ATP9B: variants seen among roughly 807,000 people sequenced by gnomAD.
ATP9B encodes probable phospholipid-transporting ATPase IIB.
ATP9B carries 110 observed loss-of-function variants against 146.1 expected under a neutral mutation model. The ratio of observed to expected loss-of-function variants is 0.75; its 90% CI spans 0.65 to 0.88. The LOEUF is 0.88. ATP9B is among the 40% of genes least tolerant of loss of function. ATP9B has a pLI of 0.00. For missense variants in ATP9B, 1,499 were observed against 1,496.4 expected, an observed-to-expected ratio of 1.00 and a Z score of -0.03; for synonymous variants, 604 against 569.7, an observed-to-expected ratio of 1.06 and a Z score of -0.86.
chr18:79,268,888 G>A (rs986715881), intron 12 of ATP9B, among the ~76,000 whole-genome samples: 1 of 152,138 alleles, frequency 6.6e-6, no homozygotes, highest in Admixed American at 6.5e-5. Context: ...ATTGGGTATA[G>A]AATTCTAGGC....
At chr18:79,156,376 C>T (rs767425979) in intron 7 of ATP9B, among the ~76,000 whole-genome samples, 14 of 152,186 alleles carry the variant, frequency 9.2e-5, no homozygotes, top group Middle Eastern at 3.2e-3. Context: ...TCTAGCCCTG[C>T]GCCTAACCTC....
intron 6 of ATP9B, among the ~76,000 whole-genome samples, chr18:79,148,958 T>G (rs1347219332): frequency 1.3e-5 from 2 of 152,198 alleles, no homozygotes; most frequent in African/African-American, 4.8e-5. Flanking sequence ...TGCAGTACTC[T>G]TACAGTCATT....
At chr18:79,206,326 T>G (rs2095533312) in intron 9 of ATP9B, among the ~76,000 whole-genome samples, 1 of 152,222 alleles carries the variant, frequency 6.6e-6, no homozygotes, top group Non-Finnish European at 1.5e-5. Flanking sequence ...ACAGAAGCAT[T>G]TTCTCTGTCG....
At chr18:79,335,945 G>A (rs929688771) in intron 17 of ATP9B, among the ~76,000 whole-genome samples, 4 of 152,026 alleles carry the variant, frequency 2.6e-5, no homozygotes, top group Non-Finnish European at 4.4e-5. Context: ...ATTACAACAC[G>A]CCAGGGGGGT....
chr18:79,219,639 C>T (rs1358783389), intron 11 of ATP9B, among the ~76,000 whole-genome samples: 1 of 152,180 alleles, frequency 6.6e-6, no homozygotes, highest in Non-Finnish European at 1.5e-5. Context: ...CAGTATGTCA[C>T]TCTTTCTGTC....
At chr18:79,154,286 C>A (rs1352071425) in intron 6 of ATP9B, among the ~76,000 whole-genome samples, 1 of 152,008 alleles carries the variant, frequency 6.6e-6, no homozygotes, top group Non-Finnish European at 1.5e-5. Context: ...TACTACATAC[C>A]ATTATATGGC....
chr18:79,098,207 T>A (rs371092841), intron 2 of ATP9B, among the ~76,000 whole-genome samples: 1 of 152,008 alleles, frequency 6.6e-6, no homozygotes, highest in East Asian at 1.9e-4. Flanking sequence ...TGAAACTGGA[T>A]CCCTTCCTTA....
chr18:79,190,556 A>G (rs1334458765), intron 8 of ATP9B, among the ~76,000 whole-genome samples: 1 of 150,698 alleles, frequency 6.6e-6, no homozygotes, highest in Non-Finnish European at 1.5e-5. Context: ...ATATACATAT[A>G]TTTTTGGCAC....
At chr18:79,308,977 C>T (rs867525622) in intron 15 of ATP9B, among the ~76,000 whole-genome samples, 8 of 4,484 alleles carry the variant, frequency 1.8e-3, no homozygotes, top group African/African-American at 3.7e-3. Flanking sequence ...GAGTGATCCC[C>T]AGCAGGTAGA....
At chr18:79,344,577 G>A (rs1261992190) in intron 21 of ATP9B, among the ~76,000 whole-genome samples, 1 of 152,212 alleles carries the variant, frequency 6.6e-6, no homozygotes, top group East Asian at 1.9e-4. Flanking sequence ...AAGTGCTTTT[G>A]CCCATTCATG....
chr18:79,150,333 A>G (rs1163460646), intron 6 of ATP9B, among the ~76,000 whole-genome samples: 1 of 152,200 alleles, frequency 6.6e-6, no homozygotes, highest in East Asian at 1.9e-4. Context: ...AACTGTAACT[A>G]TCATACTACC....
intron 5 of ATP9B, among the ~76,000 whole-genome samples, chr18:79,137,569 T>G (rs981374444): frequency 2.0e-5 from 3 of 152,196 alleles, no homozygotes; most frequent in African/African-American, 7.2e-5. Flanking sequence ...AAGGGCACTT[T>G]GTAAACATGG....
intron 2 of ATP9B, among the ~76,000 whole-genome samples, chr18:79,098,760 G>A (rs1210410608): frequency 6.6e-6 from 1 of 152,052 alleles, no homozygotes; most frequent in African/African-American, 2.4e-5. Context: ...GTCCTTTGTA[G>A]CCTTATTTTC....
At chr18:79,160,129 T>C (rs1478291782) in intron 7 of ATP9B, among the ~76,000 whole-genome samples, 1 of 152,240 alleles carries the variant, frequency 6.6e-6, no homozygotes. Flanking sequence ...GTTTTAAATA[T>C]TTTCTAATGT....
intron 15 of ATP9B, among the ~76,000 whole-genome samples, chr18:79,323,878 A>G (rs143645330): frequency 0.01 from 1,598 of 152,342 alleles, 31 homozygotes; most frequent in African/African-American, 0.037. Flanking sequence ...GGTAACCTCC[A>G]TGCTGCTCTC....
intron 6 of ATP9B, among the ~76,000 whole-genome samples, chr18:79,151,732 T>C (rs538731079): frequency 6.6e-6 from 1 of 152,328 alleles, no homozygotes; most frequent in East Asian, 1.9e-4. Flanking sequence ...GAAGTGTTTT[T>C]TTTTTTTTTT....
At chr18:79,159,305 A>G (rs1600039367) in intron 7 of ATP9B, among the ~76,000 whole-genome samples, 1 of 152,130 alleles carries the variant, frequency 6.6e-6, no homozygotes, top group African/African-American at 2.4e-5. Context: ...AATTATTATT[A>G]TTCTCCCCAT....
intron 11 of ATP9B, among the ~76,000 whole-genome samples, chr18:79,237,689 TGGGGGG>T (rs72074123): frequency 7.0e-6 from 1 of 142,772 alleles, no homozygotes. Context: ...TTTTTTTTTT[TGGGGGG>T]GGGTGGGGGA....
chr18:79,263,823 G>A (rs917959317), intron 12 of ATP9B, among the ~76,000 whole-genome samples: 1 of 152,208 alleles, frequency 6.6e-6, no homozygotes, highest in South Asian at 2.1e-4. Context: ...GTTGGCTCAC[G>A]CCTGTAATCC....
Sources: gnomAD v4.1 joint callset for allele counts (sites outside exome capture counted in the v4.1 genomes callset) on GRCh38, gnomAD v4.1.1 for gene constraint, MANE v1.5 for transcripts, NCBI Gene and HGNC (gene_info 2026-07-23, HGNC 2026-07-21) for gene names.